Variants in FAN1 observed in about 807,000 individuals in gnomAD.
FAN1 encodes FANCD2 and FANCI associated nuclease 1.
In FAN1, 91 loss-of-function variants were observed where a neutral mutation model predicts 104.9. That is an observed-to-expected ratio of 0.87 (90% CI 0.73 to 1.03). The LOEUF (loss-of-function observed/expected upper bound fraction) is 1.03, where lower values mean the gene tolerates loss of function less well. Among genes scored for constraint, FAN1 ranks in the 50% least tolerant of loss-of-function variants. The pLI is 0.00. For synonymous variants in FAN1, 478 were observed against 457.6 expected, an observed-to-expected ratio of 1.04 and a Z score of -0.57; for missense variants, 1,263 against 1,239.9, an observed-to-expected ratio of 1.02 and a Z score of -0.28.
In FAN1 at chr15:30,942,903, A is replaced by AAAG; in HGVS notation, c.*1343_*1345dup. ...GCTGTGATTTACCTTTGTCCGTTTA[A>AAAG]AAGACTTCACGGAGCCATTCTGTAT... On this transcript the variant is annotated 3_prime_UTR_variant, in exon 15 of 15. Transcript: ENST00000362065. 2 of 1,564,078 alleles carry AAAG rather than the reference A, an allele frequency of 1.3e-6. No individual in the cohort carries two copies. Among genetic ancestry groups the AAAG allele is most frequent in the Non-Finnish European group, 1.7e-6 (2 of 1,153,050 alleles).
chr15:30,905,062 TGTG>T lies in FAN1; in HGVS notation c.403_405del (p.Val135del), dbSNP rs780932215. On this transcript the variant is annotated inframe_deletion, in exon 2 of 15. Coordinates refer to ENST00000362065, the MANE Select transcript of FAN1 (RefSeq NM_014967.5). ...TCAGTCCCTACTTTAAAAGTAATGA[TGTG>T]GTGTGCAAAAATCAAGATGAGCTGA... 8.7e-6 allele frequency: 14 copies of T among 1,613,902 alleles called. No individual in the cohort carries two copies. The East Asian group carries it at 2.4e-4, about 28-fold the overall frequency.
intron 5 of FAN1, among the ~76,000 whole-genome samples, chr15:30,916,983 G>A (rs900326692): frequency 6.6e-6 from 1 of 152,190 alleles, no homozygotes; most frequent in Admixed American, 6.5e-5. Flanking sequence ...GATAGCATGT[G>A]CACAGGCCCT....
At position 30,910,742 on chromosome 15, in the gene FAN1, A is replaced by C. The variant is rs983972129; in HGVS notation, c.1504A>C (p.Lys502Gln). The C allele has an allele frequency of 6.2e-7, 1 of 1,614,192 alleles. No individual in the cohort carries two copies. The highest frequency in any genetic ancestry group is 8.5e-7 in the Non-Finnish European group (1 of 1,180,032). The change falls in exon 4 of 15, where the codon AAA (lysine) becomes CAA (glutamine). Residue 502 changes from lysine to glutamine, a missense_variant. Lys to Gln is a moderately conservative substitution (Grantham distance 53, BLOSUM62 1). Transcript: ENST00000362065. ...ACAGCAGCTGGTGGACGCCTTTCTC[A>C]AATTGGCCAAACAGCGTTCAGTCTG... The part of the protein sequence containing the change: ...QKQQLVDAFL[K>Q]LAKQRSVCTW...
intron 10 of FAN1, 186 bp from the exon 11 acceptor site, chr15:30,928,367 C>T (rs949685975): frequency 7.1e-7 from 1 of 1,418,094 alleles, no homozygotes; most frequent in South Asian, 1.6e-5. Context: ...TGTATATAAA[C>T]AACATACTGT....
chr15:30,916,003 T>C lies in FAN1; in HGVS notation c.1811+1912T>C, dbSNP rs552650262. 2.6e-5 allele frequency among the ~76,000 whole-genome samples: 4 copies of C among 152,216 alleles called. 1 individual carries two copies. The highest frequency in any genetic ancestry group is 5.9e-5 in the Non-Finnish European group (4 of 68,040). On this transcript the variant is annotated intron_variant, in intron 5 of 14. Coordinates refer to ENST00000362065, the MANE Select transcript of FAN1 (RefSeq NM_014967.5). ...GCCAGGTGCTTTAAGAAGTAAGTTA[T>C]TGAAATTTTTGAATCACAGCAGTGT...
At chr15:30,918,493 A>T (rs1293500531) in intron 6 of FAN1, among the ~76,000 whole-genome samples, 198 bp downstream of exon 6, 1 of 152,198 alleles carries the variant, frequency 6.6e-6, no homozygotes, top group East Asian at 1.9e-4. Flanking sequence ...GTTTAAAGTG[A>T]ATTTGATATA....
chr15:30,930,449 T>C (rs2062677631), intron 12 of FAN1, 94 bp from the exon 13 acceptor site: 4 of 1,440,180 alleles, frequency 2.8e-6, no homozygotes, highest in Non-Finnish European at 3.7e-6. Context: ...GAATTACATA[T>C]ACACTGAGCT....
In FAN1 at chr15:30,910,612, A is replaced by C; in HGVS notation, c.1376-2A>C. ...AAAAACTTTTTTTTTTAACCATTTC[A>C]GAATCTGAGTTGCAAGAACTCTCTG... On this transcript the variant is annotated splice_acceptor_variant, in intron 3 of 14. Coordinates refer to ENST00000362065, the MANE Select transcript of FAN1 (RefSeq NM_014967.5). LOFTEE classifies it high-confidence loss of function. 1 of 1,522,550 alleles carries C rather than the reference A, an allele frequency of 6.6e-7. No homozygotes were observed. Among genetic ancestry groups the C allele is most frequent in the Non-Finnish European group, 8.8e-7 (1 of 1,132,764 alleles). The allele number at this position is 1,522,550 out of a possible 1,614,324, so 94.3% of individuals were successfully genotyped here. A position where few individuals can be genotyped will look rare whatever the true frequency, so the allele number is the denominator to read the frequency against.
chr15:30,909,855 G>A (rs544189981), intron 3 of FAN1, among the ~76,000 whole-genome samples: 1 of 152,192 alleles, frequency 6.6e-6, no homozygotes, highest in African/African-American at 2.4e-5. Flanking sequence ...CCTGACTACT[G>A]TGTGAAATAC....
intron 13 of FAN1, among the ~76,000 whole-genome samples, chr15:30,934,557 AT>A (rs1426551920): frequency 6.6e-6 from 1 of 151,460 alleles, no homozygotes; most frequent in African/African-American, 2.4e-5. Flanking sequence ...TGGTTTTTGT[AT>A]TTTTTAGAGA....
Position 30,925,258 on chromosome 15 carries a change from G to A in FAN1, c.2304G>A (p.Gln768=), listed in dbSNP as rs768593048. 35 of 1,614,074 alleles carry A rather than the reference G, an allele frequency of 2.2e-5. No homozygotes were observed. Among genetic ancestry groups the A allele is most frequent in the Non-Finnish European group, 2.9e-5 (34 of 1,180,044 alleles). Residue 768 remains glutamine (Q), a synonymous_variant, in exon 9 of 15, where the codon CAG becomes CAA. Transcript: ENST00000362065. The part of the protein sequence containing the change: ...SCKKFKHLFQ[Q]LPEMAVQDVK... ...AAAAGTTCAAGCACCTCTTCCAGCA[G>A]CTCCCAGAAATGGCTGTGCAAGATG...
rs2061929137 is a variant in FAN1, at chr15:30,904,649, G to T, written c.-15G>T. The T allele has an allele frequency of 6.2e-7, 1 of 1,608,140 alleles. No individual in the cohort carries two copies. The highest frequency in any genetic ancestry group is 8.5e-7 in the Non-Finnish European group (1 of 1,178,066). On this transcript the variant is annotated 5_prime_UTR_variant, in exon 2 of 15. Coordinates refer to ENST00000362065, the MANE Select transcript of FAN1 (RefSeq NM_014967.5). ...TGTGTTTTATTGCTCAGAACATCCA[G>T]TTTTTCTAATACTCATGATGTCAGA...
At chr15:30,934,511 C>G (rs2062800204) in intron 13 of FAN1, among the ~76,000 whole-genome samples, 1 of 152,096 alleles carries the variant, frequency 6.6e-6, no homozygotes, top group African/African-American at 2.4e-5. Flanking sequence ...GTAGCTGGAA[C>G]CACAGGTGCA....
chr15:30,931,517 A>ACCTTT (rs1439273671), intron 13 of FAN1, among the ~76,000 whole-genome samples: 3 of 152,120 alleles, frequency 2.0e-5, no homozygotes, highest in African/African-American at 7.2e-5. Flanking sequence ...GGTCACAAAG[A>ACCTTT]GTTTCTCCTT....
In FAN1 at chr15:30,942,138, G is replaced by A. The variant is rs2063075809; in HGVS notation, c.*576G>A. 1 of 1,508,300 alleles carries A rather than the reference G, an allele frequency of 6.6e-7. No homozygotes were observed. 93.4% of individuals were successfully genotyped at this position (1,508,300 alleles called of 1,614,324 possible). On this transcript the variant is annotated 3_prime_UTR_variant, in exon 15 of 15. Coordinates refer to ENST00000362065, the MANE Select transcript of FAN1 (RefSeq NM_014967.5). ...TTTAGAAAGATTGAAGGATGCAATG[G>A]CAAATATAAACTCAATACTATGAAA...
In FAN1 at chr15:30,905,170, A is replaced by G. The variant is rs372161455; in HGVS notation, c.507A>G (p.Ser169=). ...LSRKYVKAKK[S]IDKDEEFAGS... ...GAAAATACGTAAAGGCTAAAAAATC[A>G]ATAGATAAGGATGAAGAATTTGCCG... Residue 169 remains serine (S), a synonymous_variant, in exon 2 of 15, where the codon TCA becomes TCG. Coordinates refer to ENST00000362065, the MANE Select transcript of FAN1 (RefSeq NM_014967.5). The G allele has an allele frequency of 2.1e-5, 34 of 1,613,818 alleles. No individual in the cohort carries two copies. The African/African-American group carries it at 3.1e-4, about 15-fold the overall frequency.
At chr15:30,916,699 G>C (rs530462796) in intron 5 of FAN1, among the ~76,000 whole-genome samples, 1 of 152,278 alleles carries the variant, frequency 6.6e-6, no homozygotes, top group East Asian at 1.9e-4. Context: ...TATTCATTCA[G>C]TACAAATGAG....
Position 30,905,713 on chromosome 15 carries a change from T to C in FAN1, c.1050T>C (p.Asp350=). Residue 350 remains aspartate, a synonymous_variant, in exon 2 of 15, where the codon GAT becomes GAC. Transcript: ENST00000362065. ...PLQDDSCLNN[D]IPHSIPLEQG... ...AGGATGACAGTTGCTTAAACAATGA[T>C]ATCCCTCACAGCATTCCTTTGGAGC... is the stretch of plus-strand genomic sequence containing the variant. The C allele has an allele frequency of 1.2e-6, 2 of 1,614,186 alleles. No individual in the cohort carries two copies. The highest frequency in any genetic ancestry group is 1.7e-6 in the Non-Finnish European group (2 of 1,179,998).
Position 30,939,351 on chromosome 15 carries a change from T to C in FAN1, c.*3+2092T>C, listed in dbSNP as rs1037809979. On this transcript the variant is annotated intron_variant, in intron 14 of 14. Transcript: ENST00000362065. ...GGGCTCTGCTGGCGGGCAGCAGGGG[T>C]GCTGAGCTCTCTCTAGTGCGCCCTG... 9 of 985,196 alleles carry C rather than the reference T, an allele frequency of 9.1e-6. No individual in the cohort carries two copies. The South Asian group carries it at 3.8e-4, about 41-fold the overall frequency. The allele number at this position is 985,196 out of a possible 1,614,324, so 61.0% of individuals were successfully genotyped here. A position where few individuals can be genotyped will look rare whatever the true frequency, so the allele number is the denominator to read the frequency against.
Sources: allele counts gnomAD v4.1 joint callset (sites outside exome capture counted in the v4.1 genomes callset), GRCh38; gene constraint gnomAD v4.1.1; transcripts MANE v1.5; gene names NCBI Gene and HGNC (gene_info 2026-07-23, HGNC 2026-07-21).